The following LAMB1 variants were observed in gnomAD, a reference collection of about 807,000 sequenced individuals.
The protein encoded by LAMB1 is laminin subunit beta 1.
Under a neutral mutation model 222.3 loss-of-function variants are expected in LAMB1, and 121 were observed. That is an observed-to-expected ratio of 0.54 (90% CI 0.47 to 0.63). The LOEUF is 0.63. LAMB1 is among the 30% of genes least tolerant of loss of function. The pLI is 0.00. For missense variants in LAMB1, 2,172 were observed against 2,240.8 expected, an observed-to-expected ratio of 0.97 and a Z score of 0.62; for synonymous variants, 794 against 807.2, an observed-to-expected ratio of 0.98 and a Z score of 0.28.
In LAMB1 at chr7:107,975,057, G is replaced by C. The variant is rs2033823853; in HGVS notation, c.1411C>G (p.Pro471Ala). ...NPLGTIPGGN[P>A]CDSETGHCYC... ...CAGTGACCTGTCTCGGAATCACAAG[G>C]ATTCCCTCCAGGAATTGTTCCCAGA... is the stretch of plus-strand genomic sequence containing the variant. The change falls in exon 12 of 34, where the codon CCT becomes GCT. Residue 471 changes from proline (P) to alanine (A), a missense_variant. Coordinates refer to ENST00000222399, the MANE Select transcript of LAMB1 (RefSeq NM_002291.3). 2 of 1,613,214 alleles carry C rather than the reference G, an allele frequency of 1.2e-6. No individual in the cohort carries two copies. The highest frequency in any genetic ancestry group is 1.7e-5 in the Admixed American group (1 of 59,998).
At chr7:107,998,322 A>G (rs200575391) in intron 4 of LAMB1, 35 bp downstream of exon 4, 1 of 1,608,350 alleles carries the variant, frequency 6.2e-7, no homozygotes, top group East Asian at 2.2e-5. Flanking sequence ...TATCAATCAC[A>G]CTCAACGGAA....
chr7:107,954,692 G>C (rs1219315490), intron 21 of LAMB1, among the ~76,000 whole-genome samples: 1 of 152,182 alleles, frequency 6.6e-6, no homozygotes, highest in Non-Finnish European at 1.5e-5. Flanking sequence ...TCGGGAGGCT[G>C]AGGCTGGAGA....
At chr7:107,934,165 T>A (rs2032782464) in intron 27 of LAMB1, among the ~76,000 whole-genome samples, 1 of 152,222 alleles carries the variant, frequency 6.6e-6, no homozygotes, top group Non-Finnish European at 1.5e-5. Context: ...AAATGACAGA[T>A]TATTTGCTCC....
At position 107,955,605 on chromosome 7, in the gene LAMB1, G is replaced by A. The variant is rs762241971; in HGVS notation, c.2716C>T (p.Pro906Ser). 2 of 1,613,434 alleles carry A rather than the reference G, an allele frequency of 1.2e-6. No individual in the cohort carries two copies. The highest frequency in any genetic ancestry group is 1.7e-6 in the Non-Finnish European group (2 of 1,179,756). Reference sequence around the variant, plus strand: ...CAGTGATCTCCTGACCCAATGATGGGGTCGCCATAGTAACCAGCCAAGCAC... The same window carrying A: ...CAGTGATCTCCTGACCCAATGATGGAGTCGCCATAGTAACCAGCCAAGCAC... ...ERCLAGYYGD[P>S]IIGSGDHCRP... Residue 906 changes from proline to serine, a missense_variant, in exon 21 of 34, where the codon CCC becomes TCC. Coordinates refer to ENST00000222399, the MANE Select transcript of LAMB1 (RefSeq NM_002291.3).
intron 4 of LAMB1, among the ~76,000 whole-genome samples, chr7:107,995,330 G>A (rs1288741935): frequency 1.3e-5 from 2 of 152,172 alleles, no homozygotes; most frequent in Admixed American, 6.5e-5. Flanking sequence ...AAAAGGGAGG[G>A]GCACTTCCTG....
At chr7:107,969,853 C>A (rs929500920) in intron 13 of LAMB1, among the ~76,000 whole-genome samples, 2 of 152,134 alleles carry the variant, frequency 1.3e-5, no homozygotes, top group African/African-American at 4.8e-5. Flanking sequence ...CTTATGGGAC[C>A]ACCGTTGTAT....
intron 24 of LAMB1, chr7:107,942,390 GTGTT>G (rs35505679): frequency 1.1e-3 from 169 of 152,326 alleles, no homozygotes; most frequent in Non-Finnish European, 2.1e-3. Context: ...CCAGAGGTGT[GTGTT>G]TGTGGCCCAT....
At chr7:107,937,654 T>C (rs2032878953) in intron 25 of LAMB1, among the ~76,000 whole-genome samples, 1 of 152,158 alleles carries the variant, frequency 6.6e-6, no homozygotes, top group Non-Finnish European at 1.5e-5. Flanking sequence ...ACTCCAGTTA[T>C]ACAATTAGGC....
At chr7:107,964,414 G>C (rs1436377704) in intron 14 of LAMB1, 138 bp downstream of exon 14, 6 of 981,496 alleles carry the variant, frequency 6.1e-6, no homozygotes, top group African/African-American at 1.6e-5. Context: ...TCTCAGGAAG[G>C]CATGGTCCTG....
chr7:107,981,257 G>A (rs2033967590), intron 7 of LAMB1, among the ~76,000 whole-genome samples: 1 of 152,158 alleles, frequency 6.6e-6, no homozygotes, highest in East Asian at 1.9e-4. Flanking sequence ...AACCAGCCTT[G>A]ACCAACATGG....
At chr7:107,935,271 C>T in intron 27 of LAMB1, 144 bp downstream of exon 27, 1 of 1,271,586 alleles carries the variant, frequency 7.9e-7, no homozygotes, top group Non-Finnish European at 1.1e-6. Context: ...CCAGAGACCT[C>T]AGCCTAGGAG....
intron 8 of LAMB1, among the ~76,000 whole-genome samples, chr7:107,980,407 G>C (rs183326902): frequency 2.0e-5 from 3 of 152,284 alleles, no homozygotes; most frequent in East Asian, 1.9e-4. Context: ...TATGAAATGA[G>C]TAGTCTGTAC....
chr7:107,957,813 G>A, intron 20 of LAMB1, among the ~76,000 whole-genome samples: 1 of 152,126 alleles, frequency 6.6e-6, no homozygotes, highest in South Asian at 2.1e-4. Flanking sequence ...AGAATGATGA[G>A]AAACTGGCTC....
Position 107,959,318 on chromosome 7 carries a change from T to C in LAMB1, c.2621A>G (p.Asp874Gly), listed in dbSNP as rs748726006. 1 of 1,614,238 alleles carries C rather than the reference T, an allele frequency of 6.2e-7. No homozygotes were observed. The highest frequency in any genetic ancestry group is 1.7e-5 in the Admixed American group (1 of 60,014). ...CQPCQCNGHA[D>G]DCDPVTGECL... ...CTCCCCAGTCACTGGGTCGCAGTCA[T>C]CGGCGTGGCCATTGCACTGGCAGGG... Residue 874 changes from aspartate (D) to glycine (G), a missense_variant, in exon 20 of 34, where the codon GAT (aspartate) becomes GGT (glycine). Coordinates refer to ENST00000222399, the MANE Select transcript of LAMB1 (RefSeq NM_002291.3).
chr7:107,937,548 C>A (rs1287591310), intron 25 of LAMB1, among the ~76,000 whole-genome samples: 1 of 152,240 alleles, frequency 6.6e-6, no homozygotes, highest in Admixed American at 6.5e-5. Flanking sequence ...TTCCAAATTT[C>A]TGCTGTAAGA....
chr7:107,940,576 CAG>C lies in LAMB1; in HGVS notation c.3392-220_3392-219del, dbSNP rs373001222. The C allele has an allele frequency of 1.2e-3, 668 of 563,902 alleles. 4 individuals are homozygous for C. The highest frequency in any genetic ancestry group is 0.011 in the African/African-American group (611 of 53,444). 34.9% of individuals were successfully genotyped at this position (563,902 alleles called of 1,614,324 possible). ...TTCTTAGCAGTAATAATACTTTAAACAGAAATGTTTTATATGAATGATCCCAT... is the reference window on the plus strand; with the variant it reads ...TTCTTAGCAGTAATAATACTTTAAACAAATGTTTTATATGAATGATCCCAT... On this transcript the variant is annotated intron_variant, in intron 24 of 33. Coordinates refer to ENST00000222399, the MANE Select transcript of LAMB1 (RefSeq NM_002291.3).
intron 29 of LAMB1, among the ~76,000 whole-genome samples, chr7:107,930,482 T>C (rs6950900): frequency 0.68 from 103,687 of 152,076 alleles, 36,033 homozygotes; most frequent in East Asian, 0.85. Flanking sequence ...TTTTTTCAGG[T>C]ACCTGCCTCT....
chr7:107,959,528 G>C (rs1414411828), intron 19 of LAMB1, 48 bp from the exon 20 acceptor site: 1 of 1,609,352 alleles, frequency 6.2e-7, no homozygotes, highest in African/African-American at 1.3e-5. Flanking sequence ...CTCATTCAAT[G>C]GAAACATGCT....
At chr7:107,952,300 G>A in intron 22 of LAMB1, 77 bp from the exon 23 acceptor site, 1 of 1,067,026 alleles carries the variant, frequency 9.4e-7, no homozygotes, top group Non-Finnish European at 1.4e-6. Flanking sequence ...ACATCTAAAT[G>A]CTAAGATGTT....
Sources: allele counts gnomAD v4.1 joint callset (sites outside exome capture counted in the v4.1 genomes callset), GRCh38; gene constraint gnomAD v4.1.1; transcripts MANE v1.5; gene names NCBI Gene and HGNC (gene_info 2026-07-23, HGNC 2026-07-21).